The following MCTP2 variants were observed in gnomAD, a reference collection of about 807,000 sequenced individuals.
MCTP2 encodes multiple C2 and transmembrane domain-containing protein 2.
MCTP2 carries 132 observed loss-of-function variants against 111.6 expected under a neutral mutation model. The observed-to-expected ratio is 1.18, with a 90% confidence interval of 1.03 to 1.37. MCTP2 has a LOEUF of 1.37. Ranked by LOEUF, MCTP2 falls within the 40% of genes most tolerant of loss-of-function variation. The pLI, the probability that MCTP2 is intolerant of heterozygous loss-of-function variation, is 0.00. For missense variants in MCTP2, 1,183 were observed against 1,067.9 expected, an observed-to-expected ratio of 1.11 and a Z score of -1.50; for synonymous variants, 395 against 387.7, an observed-to-expected ratio of 1.02 and a Z score of -0.22.
In MCTP2 at chr15:94,377,958, C is replaced by A. The variant is rs1362161549; in HGVS notation, c.1583-6064C>A. ...GAAGAAAGCAAGCAGGACGAGAAGA[C>A]AGAAAGCAAAAGAAACCTCTCAGGG... On this transcript the variant is annotated intron_variant, in intron 12 of 22. Transcript: ENST00000357742. 2.6e-5 allele frequency among the ~76,000 whole-genome samples: 4 copies of A among 152,050 alleles called. No homozygotes were observed. In the South Asian group the frequency reaches 6.2e-4, roughly 24 times the overall value.
At chr15:94,340,165 A>C (rs1567466726) in intron 5 of MCTP2, 34 bp from the exon 6 acceptor site, 6 of 1,451,144 alleles carry the variant, frequency 4.1e-6, no homozygotes, top group Non-Finnish European at 5.8e-6. Flanking sequence ...GTTTACCATA[A>C]TAATGTGTTA....
intron 14 of MCTP2, among the ~76,000 whole-genome samples, chr15:94,398,407 G>A (rs1174265799): frequency 1.3e-5 from 2 of 152,150 alleles, no homozygotes; most frequent in Non-Finnish European, 2.9e-5. Flanking sequence ...TAATGTTGAC[G>A]TTATATACTA....
chr15:94,443,607 T>C (rs2255267), intron 19 of MCTP2, among the ~76,000 whole-genome samples: 12,835 of 152,020 alleles, frequency 0.084, 589 homozygotes, highest in East Asian at 0.16. Context: ...GAGGAAAGGG[T>C]AAAAGGGGGA....
rs148584250 is a variant in MCTP2 at position 94,447,373 on chromosome 15, T to TTG, written c.2250+4429_2250+4430dup. 7.4e-3 allele frequency among the ~76,000 whole-genome samples: 1,125 copies of TTG among 151,302 alleles called. 11 individuals are homozygous for TTG. Among genetic ancestry groups the TTG allele is most frequent in the African/African-American group, 0.024 (992 of 41,372 alleles). On this transcript the variant is annotated intron_variant, in intron 19 of 22. Transcript: ENST00000357742. ...GAGAGTAGTTTTGTCTATAATTCAT[T>TTG]TGTGTGTGTGTGTGTGTTGTGTTTG...
intron 12 of MCTP2, among the ~76,000 whole-genome samples, chr15:94,372,726 G>A (rs2079552828): frequency 6.6e-6 from 1 of 151,796 alleles, no homozygotes; most frequent in Non-Finnish European, 1.5e-5. Context: ...CTTTATAAAT[G>A]AGCGTTCATT....
rs542005493 is a variant in MCTP2, at chr15:94,464,454, ATCT to A, written c.2361-5874_2361-5872del. On this transcript the variant is annotated intron_variant, in intron 20 of 22. Coordinates refer to ENST00000357742, the MANE Select transcript of MCTP2 (RefSeq NM_001385001.1). Reference sequence around the variant, plus strand: ...CTACTCTTCTATGCTTGATATTGTTATCTTCTTTCTTCTTGACAGGGATTTATC... The same window carrying A: ...CTACTCTTCTATGCTTGATATTGTTATCTTTCTTCTTGACAGGGATTTATC... Among the ~76,000 whole-genome samples the A allele has an allele frequency of 4.0e-3, 598 of 150,900 alleles. 2 individuals are homozygous for A. Among genetic ancestry groups the A allele is most frequent in the African/African-American group, 0.014 (569 of 41,164 alleles).
chr15:94,280,882 A>G (rs143205614), intron 1 of MCTP2, among the ~76,000 whole-genome samples: 27 of 152,008 alleles, frequency 1.8e-4, no homozygotes, highest in African/African-American at 6.3e-4. Context: ...TTTAATTTCC[A>G]TGTTATTGTG....
At chr15:94,448,994 C>T (rs1354247424) in intron 19 of MCTP2, among the ~76,000 whole-genome samples, 5 of 152,114 alleles carry the variant, frequency 3.3e-5, no homozygotes, top group African/African-American at 7.2e-5. Flanking sequence ...GAGCCGAGAT[C>T]GTGCCACTGA....
intron 20 of MCTP2, among the ~76,000 whole-genome samples, chr15:94,467,766 T>C (rs894211207): frequency 2.6e-4 from 40 of 152,200 alleles, no homozygotes; most frequent in African/African-American, 9.7e-4. Flanking sequence ...CTGGATCCCG[T>C]TGTGGAGTTC....
intron 4 of MCTP2, among the ~76,000 whole-genome samples, chr15:94,326,040 C>T (rs1165320379): frequency 1.3e-5 from 2 of 151,778 alleles, no homozygotes; most frequent in African/African-American, 2.4e-5. Context: ...AGGATGGTCT[C>T]GATCTCCTGA....
intron 1 of MCTP2, among the ~76,000 whole-genome samples, chr15:94,249,721 G>T (rs950066896): frequency 6.6e-6 from 1 of 151,888 alleles, no homozygotes; most frequent in African/African-American, 2.4e-5. Context: ...TCCTGACCTC[G>T]TGATCCACCC....
rs377041498 is a variant in MCTP2 at position 94,346,979 on chromosome 15, A to T, written c.1005+1815A>T. Among the ~76,000 whole-genome samples the T allele has an allele frequency of 2.0e-5, 3 of 152,074 alleles. No individual in the cohort carries two copies. The South Asian group carries it at 6.2e-4, about 32-fold the overall frequency. On this transcript the variant is annotated intron_variant, in intron 8 of 22. Transcript: ENST00000357742. ...AGTGCACTGGGCTCAGGGATATAATACGCGCCCATCCCGAGTATACATGTT... is the reference window on the plus strand; with the variant it reads ...AGTGCACTGGGCTCAGGGATATAATTCGCGCCCATCCCGAGTATACATGTT...
intron 1 of MCTP2, among the ~76,000 whole-genome samples, chr15:94,272,727 C>T (rs2073971283): frequency 1.3e-5 from 1 of 75,348 alleles, no homozygotes; most frequent in Admixed American, 1.6e-4. Context: ...AAGATAACAC[C>T]ATATTTTTTT....
chr15:94,316,914 G>T (rs990832658), intron 4 of MCTP2, among the ~76,000 whole-genome samples: 3 of 152,078 alleles, frequency 2.0e-5, no homozygotes. Context: ...TTTCAATAAA[G>T]GAAGGGTCTA....
chr15:94,242,419 A>T (rs1449315559), intron 1 of MCTP2, among the ~76,000 whole-genome samples: 2 of 152,164 alleles, frequency 1.3e-5, no homozygotes, highest in Non-Finnish European at 2.9e-5. Flanking sequence ...CGTAATAAGC[A>T]AACCTACAGA....
Position 94,476,779 on chromosome 15 carries a change from T to A in MCTP2, c.2554T>A (p.Ser852Thr), listed in dbSNP as rs2074401637. 1 of 1,596,264 alleles carries A rather than the reference T, an allele frequency of 6.3e-7. No individual in the cohort carries two copies. Among genetic ancestry groups the A allele is most frequent in the Non-Finnish European group, 8.6e-7 (1 of 1,163,998 alleles). The change falls in exon 22 of 23, where the codon TCT becomes ACT. Residue 852 changes from serine (S) to threonine (T), a missense_variant. Coordinates refer to ENST00000357742, the MANE Select transcript of MCTP2 (RefSeq NM_001385001.1). Reference protein sequence around the residue: ...ELLDFLSRVPSDVQKVQYAEL... With the variant: ...ELLDFLSRVPTDVQKVQYAEL... The stretch of plus-strand genomic sequence containing the variant: ...ACTAGACTTCCTCTCTAGGGTACCG[T>A]CTGATGTTCAAAAGGTATGTAATGA...
intron 21 of MCTP2, among the ~76,000 whole-genome samples, chr15:94,474,352 T>C (rs536690092): frequency 1.3e-5 from 2 of 152,206 alleles, no homozygotes; most frequent in African/African-American, 4.8e-5. Context: ...AATTTCAGAC[T>C]ACAGTATCAT....
chr15:94,344,998 C>A, intron 7 of MCTP2, 131 bp from the exon 8 acceptor site: 1 of 1,064,356 alleles, frequency 9.4e-7, no homozygotes. Flanking sequence ...TCTCTATAAC[C>A]TCAGAACTTG....
At chr15:94,412,932 C>T (rs1344682373) in intron 17 of MCTP2, among the ~76,000 whole-genome samples, 1 of 152,116 alleles carries the variant, frequency 6.6e-6, no homozygotes, top group Non-Finnish European at 1.5e-5. Flanking sequence ...CGACTGTGGC[C>T]TCATTAACTG....
Sources: gnomAD v4.1 joint callset for allele counts (sites outside exome capture counted in the v4.1 genomes callset) on GRCh38, gnomAD v4.1.1 for gene constraint, MANE v1.5 for transcripts, NCBI Gene and HGNC (gene_info 2026-07-23, HGNC 2026-07-21) for gene names.